OSBPL5: variants seen among roughly 807,000 people sequenced by gnomAD.
The protein encoded by OSBPL5 is oxysterol binding protein like 5, also known as oxysterol-binding protein-related protein 5.
A neutral mutation model predicts 111.2 loss-of-function variants in OSBPL5; 71 were observed. That is an observed-to-expected ratio of 0.64 (90% CI 0.53 to 0.78). OSBPL5 has a LOEUF of 0.78. Ranked by LOEUF, OSBPL5 falls within the 30% of genes least tolerant of loss-of-function variation. OSBPL5 has a pLI of 0.00. For missense variants in OSBPL5, 1,210 were observed against 1,189.3 expected, an observed-to-expected ratio of 1.02 and a Z score of -0.26; for synonymous variants, 549 against 513.9, an observed-to-expected ratio of 1.07 and a Z score of -0.93.
intron 7 of OSBPL5, among the ~76,000 whole-genome samples, chr11:3,114,963 TTTAAC>T (rs1858161585): frequency 6.6e-6 from 1 of 152,160 alleles, no homozygotes; most frequent in Non-Finnish European, 1.5e-5. Context: ...ATTTTTTAAT[TTTAAC>T]CCAAAGTTCA....
intron 1 of OSBPL5, among the ~76,000 whole-genome samples, chr11:3,160,680 C>T (rs893098015): frequency 1.3e-4 from 18 of 141,464 alleles, no homozygotes; most frequent in African/African-American, 4.4e-4. Flanking sequence ...CCTCCCCCCC[C>T]CCACCCCGCC....
chr11:3,125,713 G>C (rs186791426), intron 3 of OSBPL5, among the ~76,000 whole-genome samples: 3,504 of 152,034 alleles, frequency 0.023, 47 homozygotes, highest in Middle Eastern at 0.041. Context: ...GCTGAGGCAG[G>C]GGCATGGTGT....
intron 14 of OSBPL5, among the ~76,000 whole-genome samples, chr11:3,097,107 G>A (rs111406918): frequency 6.8e-4 from 9 of 13,328 alleles, no homozygotes; most frequent in Admixed American, 1.7e-3. Flanking sequence ...GGGAAGATGG[G>A]AGGAGGAGGA....
chr11:3,093,828 A>ATT lies in OSBPL5; in HGVS notation c.1726_1727insAA (p.Phe576Ter). Residue 576 changes from phenylalanine to a stop codon, truncating the protein, a stop_gained and frameshift_variant, in exon 16 of 22, where the codon TTC becomes TAATC. Transcript: ENST00000263650. LOFTEE classifies it high-confidence loss of function. Reference sequence around the variant, plus strand: ...CTGGTTGATGCTGGTGCTACCCCCGAAGAAGGGCTGCGGGGCCACACCCAG... The same window carrying ATT: ...CTGGTTGATGCTGGTGCTACCCCCGATTAGAAGGGCTGCGGGGCCACACCCAG... ...AQLEFKLKPF[F>*]GGSTSINQIS... 1 of 1,611,672 alleles carries ATT rather than the reference A, an allele frequency of 6.2e-7. No homozygotes were observed. The highest frequency in any genetic ancestry group is 8.5e-7 in the Non-Finnish European group (1 of 1,179,800).
In OSBPL5 at chr11:3,103,763, A is replaced by AGCCCCCTTCCAGCCTGTGCC. The variant is rs1857561291; in HGVS notation, c.1244+429_1244+430insGGCACAGGCTGGAAGGGGGC. On this transcript the variant is annotated intron_variant, in intron 10 of 21. Transcript: ENST00000263650. The stretch of plus-strand genomic sequence containing the variant: ...CTCTGCAACCCTCTTCCAGCTCTGC[A>AGCCCCCTTCCAGCCTGTGCC]GCCCCCTTCCAGCCTCTGCAGTCCC... Among the ~76,000 whole-genome samples the AGCCCCCTTCCAGCCTGTGCC allele has an allele frequency of 1.2e-4, 6 of 51,232 alleles. No individual in the cohort carries two copies. The South Asian group carries it at 5.8e-3, about 50-fold the overall frequency. The allele number at this position is 51,232 out of a possible 152,430, so 33.6% of individuals were successfully genotyped here. A position where few individuals can be genotyped will look rare whatever the true frequency, so the allele number is the denominator to read the frequency against.
At position 3,090,639 on chromosome 11, in the gene OSBPL5, G is replaced by C; in HGVS notation, c.2317C>G (p.Gln773Glu). The change falls in exon 20 of 22, where the codon CAG (glutamine) becomes GAG (glutamate). Residue 773 changes from glutamine (Q) to glutamate (E), a missense_variant. Transcript: ENST00000263650. ...GTGGATCCGCTGCTCTCCGTGGCCTGGCTGTGGCCGGAGGGCTGGTCGCTG... is the reference window on the plus strand; with the variant it reads ...GTGGATCCGCTGCTCTCCGTGGCCTCGCTGTGGCCGGAGGGCTGGTCGCTG... Reference protein sequence around the residue: ...KASDQPSGHSQATESSGSTPE... With the variant: ...KASDQPSGHSEATESSGSTPE... 6.2e-7 allele frequency: 1 copy of C among 1,612,832 alleles called. No homozygotes were observed. The highest frequency in any genetic ancestry group is 8.5e-7 in the Non-Finnish European group (1 of 1,179,930).
At chr11:3,119,934 G>A (rs192231782) in intron 6 of OSBPL5, 354 of 453,564 alleles carry the variant, frequency 7.8e-4, no homozygotes, top group Middle Eastern at 5.8e-4. Flanking sequence ...AATGATGTTC[G>A]AATCCCAGAG....
chr11:3,131,788 T>TCCATCCAC (rs1564850209), intron 1 of OSBPL5, among the ~76,000 whole-genome samples: 5 of 91,684 alleles, frequency 5.5e-5, no homozygotes, highest in African/African-American at 1.7e-4. Flanking sequence ...CATCCATCCA[T>TCCATCCAC]CCACCTACCC....
chr11:3,145,601 C>T (rs1460525907), intron 1 of OSBPL5, among the ~76,000 whole-genome samples: 6 of 152,304 alleles, frequency 3.9e-5, no homozygotes, highest in Admixed American at 2.6e-4. Flanking sequence ...GTCCCAGTGC[C>T]GGCTGAGACC....
Position 3,092,945 on chromosome 11 carries a change from T to A in OSBPL5, c.2054A>T (p.Gln685Leu). 6.3e-7 allele frequency: 1 copy of A among 1,583,220 alleles called. No homozygotes were observed. Among genetic ancestry groups the A allele is most frequent in the South Asian group, 1.2e-5 (1 of 86,430 alleles). The change falls in exon 18 of 22, where the codon CAG (glutamine) becomes CTG (leucine). Residue 685 changes from glutamine to leucine, a missense_variant. Gln to Leu is a moderately radical substitution (Grantham distance 113, BLOSUM62 -2). Transcript: ENST00000263650. The surrounding 1 kb of genome is among the most constrained non-coding windows in gnomAD (Gnocchi z 5.4). The stretch of plus-strand genomic sequence containing the variant: ...CGGCTTCCAGGGCATGAGGCTCTCC[T>A]GCCGCTCACGGGCCCGCTGCCGCTG... Reference protein sequence around the residue: ...EAQRQRARERQESLMPWKPQL... With the variant: ...EAQRQRARERLESLMPWKPQL...
Position 3,126,539 on chromosome 11 carries a change from G to A in OSBPL5, c.153C>T (p.Pro51=). The A allele has an allele frequency of 6.2e-7, 1 of 1,609,042 alleles. No individual in the cohort carries two copies. The highest frequency in any genetic ancestry group is 8.5e-7 in the Non-Finnish European group (1 of 1,178,544). Residue 51 remains proline, a synonymous_variant, in exon 3 of 22, where the codon CCC becomes CCT. Transcript: ENST00000263650. The surrounding 1 kb of genome is among the most constrained non-coding windows in gnomAD (Gnocchi z 6.5). ...CATCCCTGGGCAGCGACGGGCCGTT[G>A]GGCTCCATGTCCTTCCCTGCAAGAG... is the stretch of plus-strand genomic sequence containing the variant. ...YPLSPGKDME[P]NGPSLPRDEG...
rs199671514 is a variant in OSBPL5, at chr11:3,120,643, C to T, written c.403-19G>A. The T allele has an allele frequency of 1.2e-3, 1,886 of 1,608,866 alleles. 2 individuals carry two copies. Among genetic ancestry groups the T allele is most frequent in the Non-Finnish European group, 1.5e-3 (1,731 of 1,178,696 alleles). On this transcript the variant is annotated intron_variant, in intron 5 of 21. Transcript: ENST00000263650. ...CGCGGATCTGCAGGGAGGATGCTGGCGTCGATGCCCACCCTCTGGGGCCGC... is the reference window on the plus strand; with the variant it reads ...CGCGGATCTGCAGGGAGGATGCTGGTGTCGATGCCCACCCTCTGGGGCCGC...
intron 1 of OSBPL5, among the ~76,000 whole-genome samples, chr11:3,133,804 G>A (rs61870224): frequency 1.3e-5 from 2 of 152,330 alleles, no homozygotes; most frequent in East Asian, 1.9e-4. Flanking sequence ...CCCCTCCCAC[G>A]GTGAGACTGT....
chr11:3,099,163 C>T (rs1031340425), intron 14 of OSBPL5, among the ~76,000 whole-genome samples: 5 of 152,160 alleles, frequency 3.3e-5, no homozygotes, highest in Non-Finnish European at 7.3e-5. Context: ...CGCTCCACAC[C>T]GTATGATTCC....
rs985668617 is a variant in OSBPL5, at chr11:3,130,375, C to T, written c.-21-1206G>A. 6.6e-6 allele frequency among the ~76,000 whole-genome samples: 1 copy of T among 152,212 alleles called. No homozygotes were observed. The highest frequency in any genetic ancestry group is 2.4e-5 in the African/African-American group (1 of 41,458). On this transcript the variant is annotated intron_variant, in intron 1 of 21. Coordinates refer to ENST00000263650, the MANE Select transcript of OSBPL5 (RefSeq NM_020896.4). The surrounding 1 kb of genome is among the most constrained non-coding windows in gnomAD (Gnocchi z 4.5). Reference sequence around the variant, plus strand: ...CATCCTGCCAAGCCCGGGACAAAGGCCTCGATTTCTCCCATGGTCCTGGGC... The same window carrying T: ...CATCCTGCCAAGCCCGGGACAAAGGTCTCGATTTCTCCCATGGTCCTGGGC...
intron 7 of OSBPL5, among the ~76,000 whole-genome samples, chr11:3,114,591 A>ACCT (rs774192603): frequency 1.8e-5 from 2 of 113,904 alleles, no homozygotes; most frequent in South Asian, 2.7e-4. Flanking sequence ...TAGAACAATG[A>ACCT]TTTTTTTTTT....
At chr11:3,116,854 CA>C (rs371907970) in intron 7 of OSBPL5, among the ~76,000 whole-genome samples, 2,804 of 75,488 alleles carry the variant, frequency 0.037, 82 homozygotes, top group African/African-American at 0.11. Context: ...GACTCCATCA[CA>C]AAAAAAAAAA....
intron 1 of OSBPL5, among the ~76,000 whole-genome samples, chr11:3,151,754 G>A (rs964406578): frequency 5.3e-5 from 8 of 152,368 alleles, no homozygotes; most frequent in African/African-American, 1.2e-4. Context: ...AGTCTGCCCC[G>A]TGGGAAGGGG....
chr11:3,139,259 T>A (rs1846038937), intron 1 of OSBPL5, among the ~76,000 whole-genome samples: 1 of 152,008 alleles, frequency 6.6e-6, no homozygotes, highest in Admixed American at 6.5e-5. Context: ...GCCAGCTGAG[T>A]GAGCGGAGAC....
Sources: allele counts gnomAD v4.1 joint callset (sites outside exome capture counted in the v4.1 genomes callset), GRCh38; gene constraint gnomAD v4.1.1; non-coding constraint Gnocchi (gnomAD v3.1); transcripts MANE v1.5; gene names NCBI Gene and HGNC (gene_info 2026-07-23, HGNC 2026-07-21).